Variants in TUBGCP3 observed in about 807,000 individuals in gnomAD.
The protein encoded by TUBGCP3 is gamma-tubulin complex component 3.
In TUBGCP3, 50 loss-of-function variants were observed where a neutral mutation model predicts 123.1. The ratio of observed to expected loss-of-function variants is 0.41; its 90% CI spans 0.32 to 0.51. TUBGCP3 has a LOEUF of 0.51. Ranked by LOEUF, TUBGCP3 falls within the 20% of genes least tolerant of loss-of-function variation. The pLI, the probability that TUBGCP3 is intolerant of heterozygous loss-of-function variation, is 0.36. For missense variants in TUBGCP3, 882 were observed against 1,127.0 expected (o/e 0.78, Z 3.11); for synonymous variants, 405 against 413.9 (o/e 0.98, Z 0.26).
the TUBGCP3 span, chr13:112,604,101 G>C: frequency 6.6e-6 from 1 of 152,178 alleles, no homozygotes; most frequent in Admixed American, 6.5e-5. Context: ...ACTATTTCCA[G>C]TGAGAAAACA....
rs748366870 is a variant in TUBGCP3 at position 112,499,091 on chromosome 13, T to C, written c.2402A>G (p.Gln801Arg). 1 of 1,614,206 alleles carries C rather than the reference T, an allele frequency of 6.2e-7. No homozygotes were observed. ...TTTCTCTTCAAACTGTAATCGTCTC[T>C]GCAATTCTTCCAGAGCAGCTCTGTA... ...AIYRAALEELQRRLQFEEKKK... is the reference protein window; with the variant it reads ...AIYRAALEELRRRLQFEEKKK... Residue 801 changes from glutamine to arginine, a missense_variant, in exon 20 of 22, where the codon CAG (glutamine) becomes CGG (arginine). Around this residue, in one of 3 missense-constraint regions of TUBGCP3, gnomAD observed 160 missense variants for 220.3 expected, o/e 0.73. Transcript: ENST00000261965.
intron 2 of TUBGCP3, among the ~76,000 whole-genome samples, chr13:112,566,799 TTCTC>T (rs1880980574): frequency 6.6e-6 from 1 of 152,228 alleles, no homozygotes; most frequent in Admixed American, 6.5e-5. Context: ...ATTAAATTGA[TTCTC>T]TATTAAATTT....
In TUBGCP3 at chr13:112,558,411, A is replaced by T. The variant is rs1192629379; in HGVS notation, c.333T>A (p.Val111=). 1.9e-6 allele frequency: 3 copies of T among 1,550,164 alleles called. No homozygotes were observed. Among genetic ancestry groups the T allele is most frequent in the Non-Finnish European group, 2.6e-6 (3 of 1,138,420 alleles). ...SEDPRRQPSK[V]SSYATLFAQA... ...GAGCAAATAACGTAGCATAGCTAGA[A>T]ACCTGAAAAGAGAAACACACTAAGA... Residue 111 remains valine, a splice_region_variant and synonymous_variant, in exon 5 of 22, where the codon GTT becomes GTA. Transcript: ENST00000261965.
At chr13:112,603,972 G>C in the TUBGCP3 span, 48,757 of 152,066 alleles carry the variant, frequency 0.32, 8,427 homozygotes, top group African/African-American at 0.44. Flanking sequence ...TATTCTAGAA[G>C]CAAGAGCTAG....
chr13:112,492,672 T>C (rs1453013624), intron 20 of TUBGCP3, among the ~76,000 whole-genome samples: 1 of 151,268 alleles, frequency 6.6e-6, no homozygotes, highest in African/African-American at 2.4e-5. Context: ...GCTCTGGCTA[T>C]GGGAACGGGG....
upstream of TUBGCP3, among the ~76,000 whole-genome samples, chr13:112,590,524 A>T (rs142918993): frequency 7.0e-4 from 107 of 152,142 alleles, no homozygotes; most frequent in African/African-American, 2.2e-3. Context: ...CATCACAAAG[A>T]TACAGGCACA....
intron 19 of TUBGCP3, among the ~76,000 whole-genome samples, chr13:112,502,850 ATTTC>A (rs1381191473): frequency 2.6e-5 from 4 of 151,888 alleles, no homozygotes; most frequent in Non-Finnish European, 5.9e-5. Context: ...CGGCCTGTAT[ATTTC>A]TTTAATTATT....
intron 11 of TUBGCP3, among the ~76,000 whole-genome samples, chr13:112,530,415 C>T (rs1011972353): frequency 2.0e-5 from 3 of 152,222 alleles, no homozygotes; most frequent in Admixed American, 6.5e-5. Flanking sequence ...TATAGTTCTT[C>T]CCAGGAAAAA....
rs779551654 is a variant in TUBGCP3, at chr13:112,511,973, C to T, written c.2086+4467G>A. 9.2e-5 allele frequency among the ~76,000 whole-genome samples: 14 copies of T among 152,178 alleles called. No homozygotes were observed. The highest frequency in any genetic ancestry group is 1.5e-4 in the Non-Finnish European group (10 of 68,046). Reference sequence around the variant, plus strand: ...TCAGACACTCGTTCTCTCGAAAGCACATTTCATTCAGTGGGATTAGAAAAG... The same window carrying T: ...TCAGACACTCGTTCTCTCGAAAGCATATTTCATTCAGTGGGATTAGAAAAG... On this transcript the variant is annotated intron_variant, in intron 17 of 21. Coordinates refer to ENST00000261965, the MANE Select transcript of TUBGCP3 (RefSeq NM_006322.6). This position sits in a 1 kb window ranked among gnomAD's most constrained non-coding sequence, Gnocchi z 4.1.
At chr13:112,506,132 T>C (rs1170174886) in intron 17 of TUBGCP3, among the ~76,000 whole-genome samples, 1 of 152,214 alleles carries the variant, frequency 6.6e-6, no homozygotes, top group Admixed American at 6.5e-5. Context: ...TAGTTAGGGA[T>C]CATTGATGGC....
chr13:112,502,568 C>A (rs1285768087), intron 19 of TUBGCP3, among the ~76,000 whole-genome samples: 1 of 121,132 alleles, frequency 8.3e-6, no homozygotes, highest in African/African-American at 3.3e-5. Flanking sequence ...TTTTTTGAGA[C>A]AGAGTCTCGC....
intron 11 of TUBGCP3, among the ~76,000 whole-genome samples, chr13:112,544,193 C>T (rs1217322788): frequency 6.6e-6 from 1 of 152,006 alleles, no homozygotes; most frequent in Non-Finnish European, 1.5e-5. Context: ...GTGGCTCACG[C>T]CTGTAATCCC....
At chr13:112,515,388 A>C (rs1185107415) in intron 17 of TUBGCP3, among the ~76,000 whole-genome samples, 1 of 152,180 alleles carries the variant, frequency 6.6e-6, no homozygotes, top group Admixed American at 6.5e-5. Context: ...GGTGGTATTC[A>C]TAAGAACACA....
chr13:112,555,809 G>A (rs1047278847), intron 6 of TUBGCP3, among the ~76,000 whole-genome samples: 2 of 152,122 alleles, frequency 1.3e-5, no homozygotes, highest in African/African-American at 4.8e-5. Context: ...GGAGGGAGGA[G>A]GCCACATGGA....
At chr13:112,549,096 C>G (rs1452649120) in intron 8 of TUBGCP3, among the ~76,000 whole-genome samples, 4 of 152,076 alleles carry the variant, frequency 2.6e-5, no homozygotes, top group African/African-American at 9.7e-5. Flanking sequence ...AAATGTCCAT[C>G]AATGATAGAC....
chr13:112,498,922 T>G lies in TUBGCP3; in HGVS notation c.2448+123A>C. 3 of 1,614,044 alleles carry G rather than the reference T, an allele frequency of 1.9e-6. No individual in the cohort carries two copies. In the African/African-American group the frequency reaches 4.0e-5, roughly 22 times the overall value. ...ATTTCTCGGGACTTCAAACGCAGTA[T>G]AGGCACATCTCAACCTGTCTGACAA... On this transcript the variant is annotated intron_variant, in intron 20 of 21. Coordinates refer to ENST00000261965, the MANE Select transcript of TUBGCP3 (RefSeq NM_006322.6).
chr13:112,546,744 C>T (rs1185275029), intron 10 of TUBGCP3: 5 of 152,234 alleles, frequency 3.3e-5, no homozygotes, highest in Non-Finnish European at 4.4e-5. Context: ...GGATCCAGTT[C>T]CGGAGAGGTG....
chr13:112,507,478 TA>T (rs1455714205), intron 17 of TUBGCP3, among the ~76,000 whole-genome samples: 1 of 152,224 alleles, frequency 6.6e-6, no homozygotes, highest in Non-Finnish European at 1.5e-5. Flanking sequence ...TACCGTCACC[TA>T]AAAATGCGAA....
At chr13:112,487,586 T>C (rs1037119258) in intron 21 of TUBGCP3, among the ~76,000 whole-genome samples, 3 of 152,212 alleles carry the variant, frequency 2.0e-5, no homozygotes, top group African/African-American at 7.2e-5. Flanking sequence ...TAGTGAATCA[T>C]ATGGATCTAA....
Sources: allele counts gnomAD v4.1 joint callset (sites outside exome capture counted in the v4.1 genomes callset), GRCh38; gene constraint gnomAD v4.1.1; regional missense constraint gnomAD v4.1.1; non-coding constraint Gnocchi (gnomAD v3.1); transcripts MANE v1.5; gene names NCBI Gene and HGNC (gene_info 2026-07-23, HGNC 2026-07-21).